The following AGAP1 variants were observed in gnomAD, a reference collection of about 807,000 sequenced individuals.
AGAP1 encodes the protein ArfGAP with GTPase domain, ankyrin repeat and PH domain 1.
Under a neutral mutation model 105.3 loss-of-function variants are expected in AGAP1, and 29 were observed. The observed-to-expected ratio is 0.28, with a 90% CI of 0.21 to 0.38. The LOEUF (loss-of-function observed/expected upper bound fraction) is 0.38. Ranked by LOEUF, AGAP1 falls within the 10% of genes least tolerant of loss-of-function variation. The pLI, the probability that AGAP1 is intolerant of heterozygous loss-of-function variation, is 1.00. For synonymous variants in AGAP1, 509 were observed against 485.9 expected, an observed-to-expected ratio of 1.05 and a Z score of -0.63; for missense variants, 998 against 1,165.1, an observed-to-expected ratio of 0.86 and a Z score of 2.09.
intron 9 of AGAP1, among the ~76,000 whole-genome samples, chr2:235,831,702 A>G (rs1439259167): frequency 6.6e-6 from 1 of 152,168 alleles, no homozygotes; most frequent in East Asian, 1.9e-4. Context: ...GTGTTTATCC[A>G]TTCACCTATT....
chr2:235,745,178 A>C (rs999378921), intron 5 of AGAP1, among the ~76,000 whole-genome samples: 2 of 152,230 alleles, frequency 1.3e-5, no homozygotes, highest in African/African-American at 4.8e-5. Flanking sequence ...ATTTTCTGCT[A>C]TATTTTAATT....
At chr2:235,673,503 T>C (rs1340029229) in intron 1 of AGAP1, among the ~76,000 whole-genome samples, 1 of 152,180 alleles carries the variant, frequency 6.6e-6, no homozygotes, top group African/African-American at 2.4e-5. Context: ...TGGCGCCCTT[T>C]AGTAACACAC....
At chr2:236,031,090 G>T in intron 13 of AGAP1, among the ~76,000 whole-genome samples, 3 of 152,168 alleles carry the variant, frequency 2.0e-5, no homozygotes, top group African/African-American at 7.2e-5. Flanking sequence ...CAAAGTTTTT[G>T]AGAAACATCC....
intron 9 of AGAP1, among the ~76,000 whole-genome samples, chr2:235,813,409 G>A (rs577391415): frequency 6.6e-6 from 1 of 152,358 alleles, no homozygotes; most frequent in Admixed American, 6.5e-5. Context: ...ACAGAATGGC[G>A]TTTCCAAGAA....
At chr2:235,796,777 A>C (rs949739320) in intron 6 of AGAP1, among the ~76,000 whole-genome samples, 3 of 152,216 alleles carry the variant, frequency 2.0e-5, no homozygotes, top group African/African-American at 7.2e-5. Flanking sequence ...AATAGCAACT[A>C]TCTAGGCAAA....
At chr2:235,671,164 G>A in intron 1 of AGAP1, 1 of 1,173,970 alleles carries the variant, frequency 8.5e-7, no homozygotes, top group Non-Finnish European at 1.1e-6. Context: ...GCCTGCACGT[G>A]GCCTCGAGGG....
rs1575720616 is a variant in AGAP1, at chr2:235,895,122, T to C, written c.1155+11673T>C. 2.0e-5 allele frequency among the ~76,000 whole-genome samples: 3 copies of C among 152,358 alleles called. No individual in the cohort carries two copies. In the South Asian group the frequency reaches 6.2e-4, roughly 32 times the overall value. On this transcript the variant is annotated intron_variant, in intron 10 of 17. Coordinates refer to ENST00000304032, the MANE Select transcript of AGAP1 (RefSeq NM_001037131.3). ...TGTGCAGGCCTGCATTTTTGCTCAG[T>C]TCAGCTAGCGCAGTGGCCTGCTCAT...
chr2:235,992,429 G>A lies in AGAP1; in HGVS notation c.1645+23806G>A, dbSNP rs1475984114. ...TGCTTTGAGTGTCTGGCGTTCAGTGGCAGGGGACCCTCCATGTGGGGACAG... is the reference window on the plus strand; with the variant it reads ...TGCTTTGAGTGTCTGGCGTTCAGTGACAGGGGACCCTCCATGTGGGGACAG... On this transcript the variant is annotated intron_variant, in intron 13 of 17. Transcript: ENST00000304032. The surrounding 1 kb of genome is among the most constrained non-coding windows in gnomAD (Gnocchi z 4.8). 1.3e-5 allele frequency among the ~76,000 whole-genome samples: 2 copies of A among 152,176 alleles called. No homozygotes were observed. The highest frequency in any genetic ancestry group is 2.4e-5 in the African/African-American group (1 of 41,436).
intron 13 of AGAP1, among the ~76,000 whole-genome samples, chr2:236,017,324 A>G (rs1170446815): frequency 6.6e-6 from 1 of 151,834 alleles, no homozygotes; most frequent in Non-Finnish European, 1.5e-5. Context: ...TACAGAATTT[A>G]TAAAATTATA....
chr2:235,755,202 G>A (rs894844645), intron 6 of AGAP1, among the ~76,000 whole-genome samples: 5 of 152,190 alleles, frequency 3.3e-5, no homozygotes, highest in Admixed American at 2.0e-4. Context: ...CACAGCCAGC[G>A]GCTCTGTGCC....
Position 235,559,124 on chromosome 2 carries a change from G to A in AGAP1, c.163+64275G>A, listed in dbSNP as rs1944067161. ...TTCGTGTGTGTGTAGGTGGGGTCTTGCCATGTTGCCCAGGCTGGTCTTGAA... is the reference window on the plus strand; with the variant it reads ...TTCGTGTGTGTGTAGGTGGGGTCTTACCATGTTGCCCAGGCTGGTCTTGAA... On this transcript the variant is annotated intron_variant, in intron 1 of 17. Coordinates refer to ENST00000304032, the MANE Select transcript of AGAP1 (RefSeq NM_001037131.3). The surrounding 1 kb of genome is among the most constrained non-coding windows in gnomAD (Gnocchi z 5.7). Among the ~76,000 whole-genome samples, 1 of 152,040 alleles carries A rather than the reference G, an allele frequency of 6.6e-6. No homozygotes were observed. The highest frequency in any genetic ancestry group is 6.5e-5 in the Admixed American group (1 of 15,268).
In AGAP1 at chr2:235,622,789, C is replaced by T. The variant is rs1378839145; in HGVS notation, c.164-86390C>T. On this transcript the variant is annotated intron_variant, in intron 1 of 17. Coordinates refer to ENST00000304032, the MANE Select transcript of AGAP1 (RefSeq NM_001037131.3). This position sits in a 1 kb window ranked among gnomAD's most constrained non-coding sequence, Gnocchi z 5.0. ...AGCCATTTTCCCAGGCCGGGTTATG[C>T]AGTGAGACTTCAGGGCAGGCACACA... 6.6e-6 allele frequency among the ~76,000 whole-genome samples: 1 copy of T among 152,004 alleles called. No homozygotes were observed. Among genetic ancestry groups the T allele is most frequent in the Non-Finnish European group, 1.5e-5 (1 of 68,018 alleles).
Position 235,882,408 on chromosome 2 carries a change from A to T in AGAP1, c.1051-937A>T. The T allele has an allele frequency of 6.3e-7, 1 of 1,582,466 alleles. No individual in the cohort carries two copies. The highest frequency in any genetic ancestry group is 8.7e-7 in the Non-Finnish European group (1 of 1,155,594). ...CTGCCCAGTGGTCTCTTTGGTCGGC[A>T]GGGTGTTCTTCTCCTGCGTCTCCGT... On this transcript the variant is annotated intron_variant, in intron 9 of 17. Coordinates refer to ENST00000304032, the MANE Select transcript of AGAP1 (RefSeq NM_001037131.3). The surrounding 1 kb of genome is among the most constrained non-coding windows in gnomAD (Gnocchi z 4.6).
chr2:235,519,060 T>A (rs1456666921), intron 1 of AGAP1, among the ~76,000 whole-genome samples: 1 of 152,156 alleles, frequency 6.6e-6, no homozygotes, highest in African/African-American at 2.4e-5. Context: ...AAGAATCATA[T>A]CATTTGGTGT....
chr2:235,620,544 C>G lies in AGAP1; in HGVS notation c.164-88635C>G, dbSNP rs544872296. ...CTGGGGGCCCTTGCAGCTTGGCCCT[C>G]GCATCCTTCAGCCTCACCTCCAGTG... On this transcript the variant is annotated intron_variant, in intron 1 of 17. Transcript: ENST00000304032. The surrounding 1 kb of genome is among the most constrained non-coding windows in gnomAD (Gnocchi z 4.5). Among the ~76,000 whole-genome samples, 7 of 152,172 alleles carry G rather than the reference C, an allele frequency of 4.6e-5. No homozygotes were observed. The highest frequency in any genetic ancestry group is 2.1e-4 in the South Asian group (1 of 4,828).
At position 236,061,882 on chromosome 2, in the gene AGAP1, A is replaced by G. The variant is rs1385455291; in HGVS notation, c.2114+12601A>G. Among the ~76,000 whole-genome samples, 2 of 133,800 alleles carry G rather than the reference A, an allele frequency of 1.5e-5. No homozygotes were observed. The highest frequency in any genetic ancestry group is 7.3e-5 in the Admixed American group (1 of 13,664). The allele number at this position is 133,800 out of a possible 152,430, so 87.8% of individuals were successfully genotyped here. A position where few individuals can be genotyped will look rare whatever the true frequency, so the allele number is the denominator to read the frequency against. ...TGGTATATAAATTATGTCAATTTTG[A>G]AAAAAAAAAAAAAGGAATTTCCAAA... On this transcript the variant is annotated intron_variant, in intron 16 of 17. Coordinates refer to ENST00000304032, the MANE Select transcript of AGAP1 (RefSeq NM_001037131.3). The surrounding 1 kb of genome is among the most constrained non-coding windows in gnomAD (Gnocchi z 4.1).
chr2:235,810,057 A>G (rs1012615793), intron 9 of AGAP1, among the ~76,000 whole-genome samples: 3 of 152,168 alleles, frequency 2.0e-5, no homozygotes, highest in African/African-American at 7.2e-5. Flanking sequence ...CGCTCTCTCC[A>G]CTGCCCATTG....
At chr2:235,567,127 C>T (rs550848276) in intron 1 of AGAP1, among the ~76,000 whole-genome samples, 6 of 152,344 alleles carry the variant, frequency 3.9e-5, no homozygotes, top group Admixed American at 3.9e-4. Flanking sequence ...CAGGTCTGTC[C>T]CCCTAAAGGG....
intron 1 of AGAP1, among the ~76,000 whole-genome samples, chr2:235,686,317 A>C (rs1291659830): frequency 6.6e-6 from 1 of 151,938 alleles, no homozygotes; most frequent in South Asian, 2.1e-4. Context: ...GCCATGGTGG[A>C]TGTGCTTTAG....
Sources: allele counts gnomAD v4.1 joint callset (sites outside exome capture counted in the v4.1 genomes callset), GRCh38; gene constraint gnomAD v4.1.1; non-coding constraint Gnocchi (gnomAD v3.1); transcripts MANE v1.5; gene names NCBI Gene and HGNC (gene_info 2026-07-23, HGNC 2026-07-21).